Variants in TMC2 observed in about 807,000 individuals in gnomAD.
TMC2 encodes the protein transmembrane channel like 2, also known as transmembrane channel-like protein 2.
TMC2 carries 102 observed loss-of-function variants against 105.9 expected under a neutral mutation model. The observed-to-expected ratio is 0.96, with a 90% CI of 0.82 to 1.14. The LOEUF (loss-of-function observed/expected upper bound fraction) is 1.14. Ranked by LOEUF, TMC2 falls within the 50% of genes most tolerant of loss-of-function variation. TMC2 has a pLI of 0.00. For missense variants in TMC2, 1,093 were observed against 1,134.3 expected (o/e 0.96, Z 0.52); for synonymous variants, 402 against 422.8 (o/e 0.95, Z 0.60).
rs199975504 is a variant in TMC2, at chr20:2,594,967, C to T, written c.1076C>T (p.Ser359Leu). 1.1e-5 allele frequency: 18 copies of T among 1,612,828 alleles called. No individual in the cohort carries two copies. Among genetic ancestry groups the T allele is most frequent in the Middle Eastern group, 1.7e-4 (1 of 5,954 alleles). ...FGYSLIIVIR[S>L]MASNTQGSTG... ...TACAGCCTGATTATTGTCATTCGAT[C>T]GTAAGTATGACCGTCTCATCCGCAG... Residue 359 changes from serine to leucine, a missense_variant and splice_region_variant, in exon 9 of 20, where the codon TCG (serine) becomes TTG (leucine). By Grantham distance (145) the Ser-to-Leu change is moderately radical. Coordinates refer to ENST00000358864, the MANE Select transcript of TMC2 (RefSeq NM_080751.3).
Position 2,613,529 on chromosome 20 carries a change from GA to G in TMC2, c.1872+209del, listed in dbSNP as rs2086459070. 16 of 624,746 alleles carry G rather than the reference GA, an allele frequency of 2.6e-5. 2 individuals carry two copies. The highest frequency in any genetic ancestry group is 2.7e-4 in the Middle Eastern group (1 of 3,694). The allele number at this position is 624,746 out of a possible 1,614,324, so 38.7% of individuals were successfully genotyped here. A position where few individuals can be genotyped will look rare whatever the true frequency, so the allele number is the denominator to read the frequency against. On this transcript the variant is annotated intron_variant, in intron 14 of 19. Coordinates refer to ENST00000358864, the MANE Select transcript of TMC2 (RefSeq NM_080751.3). ...GGAAACTGCTTTTTCCCAGTGTAATGAACAATGTGACCTTCTATTCTAGGAA... is the reference window on the plus strand; with the variant it reads ...GGAAACTGCTTTTTCCCAGTGTAATGACAATGTGACCTTCTATTCTAGGAA...
At chr20:2,629,054 A>G (rs942100318) in intron 17 of TMC2, among the ~76,000 whole-genome samples, 4 of 151,846 alleles carry the variant, frequency 2.6e-5, no homozygotes, top group Non-Finnish European at 5.9e-5. Context: ...GTGAGCCGAG[A>G]TCGCGCCACT....
Position 2,598,855 on chromosome 20 carries a change from G to GAAAAC in TMC2, c.1224+1571_1224+1575dup, listed in dbSNP as rs906470739. ...TATAAAAACAGGCATGGGGGGTTCTGAAAACAAAACAAAACAAATCAAAAC... is the reference window on the plus strand; with the variant it reads ...TATAAAAACAGGCATGGGGGGTTCTGAAAACAAAACAAAACAAAACAAATCAAAAC... On this transcript the variant is annotated intron_variant, in intron 10 of 19. Coordinates refer to ENST00000358864, the MANE Select transcript of TMC2 (RefSeq NM_080751.3). Among the ~76,000 whole-genome samples the GAAAAC allele has an allele frequency of 4.6e-5, 7 of 151,892 alleles. No homozygotes were observed. In the East Asian group the frequency reaches 9.7e-4, roughly 21 times the overall value.
intron 2 of TMC2, among the ~76,000 whole-genome samples, chr20:2,541,214 A>T (rs1416836488): frequency 1.3e-5 from 2 of 152,264 alleles, no homozygotes; most frequent in East Asian, 3.8e-4. Flanking sequence ...TCCACATAGT[A>T]GATAAATCAC....
At position 2,558,442 on chromosome 20, in the gene TMC2, T is replaced by A. The variant is rs1360298950; in HGVS notation, c.83-14T>A. 3 of 1,551,974 alleles carry A rather than the reference T, an allele frequency of 1.9e-6. No individual in the cohort carries two copies. Among genetic ancestry groups the A allele is most frequent in the Non-Finnish European group, 2.6e-6 (3 of 1,147,680 alleles). On this transcript the variant is annotated splice_polypyrimidine_tract_variant and intron_variant, in intron 2 of 19. Transcript: ENST00000358864. This position sits in a 1 kb window ranked among gnomAD's most constrained non-coding sequence, Gnocchi z 4.6. ...CCGTTGGAACCAGAACTGTCCATTT[T>A]CCCGCCCCGGCAGGTGACAGGCTGG...
chr20:2,624,798 A>G (rs532861901), intron 17 of TMC2, among the ~76,000 whole-genome samples: 1 of 152,322 alleles, frequency 6.6e-6, no homozygotes, highest in Non-Finnish European at 1.5e-5. Context: ...CTTTTGGAGC[A>G]CACTGAAAAT....
Position 2,641,261 on chromosome 20 carries a change from T to A in TMC2, c.2631T>A (p.Pro877=), listed in dbSNP as rs369688926. ...ASGHLPISRP[P]GIGPDSGHAP... ...GACACCTTCCTATATCTCGGCCCCC[T>A]GGAATCGGACCAGATTCTGGCCACG... The change falls in exon 20 of 20, where the codon CCT becomes CCA. Residue 877 remains proline (P), a synonymous_variant. Coordinates refer to ENST00000358864, the MANE Select transcript of TMC2 (RefSeq NM_080751.3). 6.2e-7 allele frequency: 1 copy of A among 1,614,142 alleles called. No homozygotes were observed. The highest frequency in any genetic ancestry group is 1.1e-5 in the South Asian group (1 of 91,086).
At chr20:2,564,749 A>G (rs1248654049) in intron 4 of TMC2, among the ~76,000 whole-genome samples, 1 of 152,194 alleles carries the variant, frequency 6.6e-6, no homozygotes, top group African/African-American at 2.4e-5. Flanking sequence ...TGGGGCTGGC[A>G]GGATAGGAAG....
intron 2 of TMC2, among the ~76,000 whole-genome samples, chr20:2,556,845 T>G (rs1206698496): frequency 6.6e-6 from 1 of 151,372 alleles, no homozygotes; most frequent in Non-Finnish European, 1.5e-5. Flanking sequence ...GAAGAATACT[T>G]TTGATGGATA....
chr20:2,542,998 A>T (rs552567749), intron 2 of TMC2, among the ~76,000 whole-genome samples: 40 of 152,140 alleles, frequency 2.6e-4, no homozygotes, highest in Non-Finnish European at 4.3e-4. Flanking sequence ...GCACTTTGGG[A>T]GGCCAAGGTG....
chr20:2,537,132 C>A, intron 1 of TMC2, 137 bp from the exon 2 acceptor site: 1 of 733,606 alleles, frequency 1.4e-6, no homozygotes, highest in Non-Finnish European at 2.4e-6. Flanking sequence ...CTATAATTTG[C>A]TGAGTAAAAT....
Position 2,558,833 on chromosome 20 carries a change from C to A in TMC2, c.401+59C>A. ...CGCGCGCTCCCGCTCCTTCGCGGCC[C>A]TTCCCCTTCCCCCGTGAGGGACTGA... On this transcript the variant is annotated intron_variant, in intron 3 of 19. Transcript: ENST00000358864. This position sits in a 1 kb window ranked among gnomAD's most constrained non-coding sequence, Gnocchi z 4.6. The A allele has an allele frequency of 6.9e-7, 1 of 1,459,540 alleles. No homozygotes were observed. 90.4% of individuals were successfully genotyped at this position (1,459,540 alleles called of 1,614,324 possible).
At chr20:2,539,085 C>T (rs546383431) in intron 2 of TMC2, among the ~76,000 whole-genome samples, 6 of 152,300 alleles carry the variant, frequency 3.9e-5, no homozygotes, top group African/African-American at 1.2e-4. Flanking sequence ...AGCCTCTCCT[C>T]GGCCTGTGTT....
chr20:2,639,040 T>C (rs948402777), intron 19 of TMC2, among the ~76,000 whole-genome samples: 1 of 152,038 alleles, frequency 6.6e-6, no homozygotes, highest in African/African-American at 2.4e-5. Context: ...GGATTACAGG[T>C]GCCCACCACC....
chr20:2,583,683 G>A (rs900224497), intron 7 of TMC2, among the ~76,000 whole-genome samples: 1 of 152,034 alleles, frequency 6.6e-6, no homozygotes, highest in Non-Finnish European at 1.5e-5. Flanking sequence ...GGCTGGTCTT[G>A]AATCCTGACC....
intron 10 of TMC2, among the ~76,000 whole-genome samples, chr20:2,598,364 G>C: frequency 6.6e-6 from 1 of 151,960 alleles, no homozygotes; most frequent in South Asian, 2.1e-4. Context: ...GATTCTGACT[G>C]AGAGGGTTCC....
intron 16 of TMC2, among the ~76,000 whole-genome samples, chr20:2,621,187 C>T (rs1405518537): frequency 1.3e-5 from 2 of 151,948 alleles, no homozygotes; most frequent in African/African-American, 4.8e-5. Flanking sequence ...ATGGTGAAAC[C>T]CCGTTTCTAC....
Position 2,616,276 on chromosome 20 carries a change from C to T in TMC2, c.1940+72C>T, listed in dbSNP as rs2086481248. On this transcript the variant is annotated intron_variant, in intron 15 of 19. Transcript: ENST00000358864. The surrounding 1 kb of genome is among the most constrained non-coding windows in gnomAD (Gnocchi z 4.8). ...AAAACTGGAATCCCAGACTTTGCAACTTAACTAGTTGGAAGAGGCTAGATA... is the reference window on the plus strand; with the variant it reads ...AAAACTGGAATCCCAGACTTTGCAATTTAACTAGTTGGAAGAGGCTAGATA... The T allele has an allele frequency of 1.5e-6, 2 of 1,299,452 alleles. No homozygotes were observed. The highest frequency in any genetic ancestry group is 1.2e-5 in the South Asian group (1 of 84,550). 80.5% of individuals were successfully genotyped at this position (1,299,452 alleles called of 1,614,324 possible). A position where few individuals can be genotyped will look rare whatever the true frequency, so the allele number is the denominator to read the frequency against.
intron 1 of TMC2, 62 bp downstream of exon 1, chr20:2,536,717 TG>T: frequency 6.5e-7 from 1 of 1,531,078 alleles, no homozygotes; most frequent in Non-Finnish European, 8.9e-7. Flanking sequence ...CAGCAGGGGA[TG>T]GGGGAAGCAC....
Sources: allele counts gnomAD v4.1 joint callset (sites outside exome capture counted in the v4.1 genomes callset), GRCh38; gene constraint gnomAD v4.1.1; non-coding constraint Gnocchi (gnomAD v3.1); transcripts MANE v1.5; gene names NCBI Gene and HGNC (gene_info 2026-07-23, HGNC 2026-07-21).